ANAPC4: variants seen among roughly 807,000 people sequenced by gnomAD.
ANAPC4 encodes anaphase promoting complex subunit 4, also known as anaphase-promoting complex subunit 4.
A neutral mutation model predicts 119.8 loss-of-function variants in ANAPC4; 63 were observed. That is an observed-to-expected ratio of 0.53 (90% CI 0.43 to 0.65). ANAPC4 has a LOEUF of 0.65. Among genes scored for constraint, ANAPC4 ranks in the 30% least tolerant of loss-of-function variants. The pLI is 0.00. For missense variants in ANAPC4, 716 were observed against 945.1 expected (o/e 0.76, Z 3.18); for synonymous variants, 283 against 318.6 (o/e 0.89, Z 1.19).
chr4:25,408,010 G>A (rs774045868), intron 20 of ANAPC4, among the ~76,000 whole-genome samples: 4 of 152,166 alleles, frequency 2.6e-5, no homozygotes, highest in Non-Finnish European at 5.9e-5. Context: ...GAGTGGTAAC[G>A]TTTCATATTG....
intron 11 of ANAPC4, 38 bp from the exon 12 acceptor site, chr4:25,394,270 GAA>G (rs764626681): frequency 3.3e-5 from 49 of 1,498,100 alleles, no homozygotes; most frequent in Non-Finnish European, 4.3e-5. Context: ...TATAATTTAA[GAA>G]ATACATATAT....
In ANAPC4 at chr4:25,417,643, C is replaced by T. The variant is rs778646866; in HGVS notation, c.2103C>T (p.Pro701=). Residue 701 remains proline (P), a synonymous_variant, in exon 28 of 29, where the codon CCC becomes CCT. Transcript: ENST00000315368. ...TAGATGAACAGTGTAGTGCTATTCC[C>T]ACCCGTACCATGCATTTTGAGAAGC... The part of the protein sequence containing the change: ...TRLDEQCSAI[P]TRTMHFEKHW... The T allele has an allele frequency of 2.5e-6, 4 of 1,613,198 alleles. No homozygotes were observed. The South Asian group carries it at 4.4e-5, about 18-fold the overall frequency.
At position 25,387,354 on chromosome 4, in the gene ANAPC4, A is replaced by G. The variant is rs1379783205; in HGVS notation, c.369-1146A>G. 2.0e-5 allele frequency among the ~76,000 whole-genome samples: 3 copies of G among 152,232 alleles called. No homozygotes were observed. In the East Asian group the frequency reaches 5.8e-4, roughly 29 times the overall value. ...AAGGTAATATCAAATGAATTTGTAA[A>G]TCCTGAATATTAATTGCCAGCTTTC... is the stretch of plus-strand genomic sequence containing the variant. On this transcript the variant is annotated intron_variant, in intron 4 of 28. Transcript: ENST00000315368.
intron 16 of ANAPC4, among the ~76,000 whole-genome samples, chr4:25,399,291 AT>A (rs1475809901): frequency 2.6e-5 from 4 of 152,172 alleles, no homozygotes; most frequent in African/African-American, 7.2e-5. Context: ...TTTAGCAGTT[AT>A]CCCAATATGT....
At chr4:25,377,600 G>T in intron 2 of ANAPC4, 44 bp downstream of exon 2, 1 of 1,534,718 alleles carries the variant, frequency 6.5e-7, no homozygotes, top group Non-Finnish European at 8.7e-7. Flanking sequence ...GTCTGCTCCC[G>T]GGGGGCCCAA....
At chr4:25,409,960 A>T (rs1198162339) in intron 21 of ANAPC4, among the ~76,000 whole-genome samples, 169 bp downstream of exon 21, 2 of 152,262 alleles carry the variant, frequency 1.3e-5, no homozygotes, top group African/African-American at 4.8e-5. Context: ...AGTGTATGAC[A>T]TCACCATGAT....
chr4:25,405,633 G>C lies in ANAPC4; in HGVS notation c.1317+14G>C. 1.2e-6 allele frequency: 2 copies of C among 1,612,802 alleles called. No individual in the cohort carries two copies. Among genetic ancestry groups the C allele is most frequent in the East Asian group, 4.5e-5 (2 of 44,842 alleles). On this transcript the variant is annotated intron_variant, in intron 18 of 28. Transcript: ENST00000315368. This position sits in a 1 kb window ranked among gnomAD's most constrained non-coding sequence, Gnocchi z 4.6. Reference sequence around the variant, plus strand: ...GAGCTGAATAAGGTAGTATGTACTAGTGCATTTTCACAGTGTTCACATTGT... The same window carrying C: ...GAGCTGAATAAGGTAGTATGTACTACTGCATTTTCACAGTGTTCACATTGT...
At chr4:25,378,418 T>C (rs1368322570) in intron 2 of ANAPC4, among the ~76,000 whole-genome samples, 2 of 152,214 alleles carry the variant, frequency 1.3e-5, no homozygotes, top group African/African-American at 4.8e-5. Flanking sequence ...CGCCAGGGTA[T>C]TGATGTCTAA....
Position 25,390,826 on chromosome 4 carries a change from G to A in ANAPC4, c.601-85G>A, listed in dbSNP as rs549454999. ...TGGGAATTTGTTTCTGCTTTTTAAA[G>A]CTCTGAGTTTTTGCTTTCTGCATGA... On this transcript the variant is annotated intron_variant, in intron 8 of 28. Coordinates refer to ENST00000315368, the MANE Select transcript of ANAPC4 (RefSeq NM_013367.3). The A allele has an allele frequency of 3.0e-6, 3 of 993,220 alleles. No homozygotes were observed. The African/African-American group carries it at 4.9e-5, about 16-fold the overall frequency. The allele number at this position is 993,220 out of a possible 1,614,324, so 61.5% of individuals were successfully genotyped here. A position where few individuals can be genotyped will look rare whatever the true frequency, so the allele number is the denominator to read the frequency against.
Position 25,393,882 on chromosome 4 carries a change from G to A in ANAPC4, c.867G>A (p.Lys289=). Residue 289 remains lysine, a synonymous_variant, in exon 11 of 29, where the codon AAG becomes AAA. Coordinates refer to ENST00000315368, the MANE Select transcript of ANAPC4 (RefSeq NM_013367.3). Reference sequence around the variant, plus strand: ...TGCAGATGGATTCTCGTCTCACCAAGTTTGTGCAGGTAAAGCAGCTGAAGT... The same window carrying A: ...TGCAGATGGATTCTCGTCTCACCAAATTTGTGCAGGTAAAGCAGCTGAAGT... ...ILMQMDSRLT[K]FVQEKNTTTS... is the part of the protein sequence containing the mutation. 6.2e-7 allele frequency: 1 copy of A among 1,609,178 alleles called. No homozygotes were observed. Among genetic ancestry groups the A allele is most frequent in the Non-Finnish European group, 8.5e-7 (1 of 1,177,584 alleles).
Position 25,418,314 on chromosome 4 carries a change from G to T in ANAPC4, c.2359G>T (p.Gly787Cys). Residue 787 changes from glycine to cysteine, a missense_variant, in exon 29 of 29, where the codon GGT becomes TGT. Coordinates refer to ENST00000315368, the MANE Select transcript of ANAPC4 (RefSeq NM_013367.3). ...GTCAGAGGCAGAGAACCAACAAGCT[G>T]GTGCTGCCGCTTTAGCTCCAGAGAT... ...SESEAENQQA[G>C]AAALAPEIVI... The T allele has an allele frequency of 6.2e-7, 1 of 1,613,990 alleles. No individual in the cohort carries two copies. Among genetic ancestry groups the T allele is most frequent in the South Asian group, 1.1e-5 (1 of 91,078 alleles).
rs1469210592 is a variant in ANAPC4, at chr4:25,378,582, G to A, written c.129+1026G>A. On this transcript the variant is annotated intron_variant, in intron 2 of 28. Transcript: ENST00000315368. ...CACATCCGTGCAATCAGATGGGTAG[G>A]CGTGATAGAGGGCACTGTTACATCC... Among the ~76,000 whole-genome samples, 4 of 152,344 alleles carry A rather than the reference G, an allele frequency of 2.6e-5. No individual in the cohort carries two copies. In the East Asian group the frequency reaches 7.7e-4, roughly 29 times the overall value.
intron 16 of ANAPC4, among the ~76,000 whole-genome samples, chr4:25,402,071 A>G (rs1723009145): frequency 6.6e-6 from 1 of 152,198 alleles, no homozygotes; most frequent in African/African-American, 2.4e-5. Context: ...GGCCTGGGGT[A>G]GGGTTGAACA....
At chr4:25,377,849 T>A (rs192604951) in intron 2 of ANAPC4, among the ~76,000 whole-genome samples, 24 of 152,388 alleles carry the variant, frequency 1.6e-4, no homozygotes, top group Admixed American at 1.1e-3. Flanking sequence ...TCTTCTTCAC[T>A]CATTGGTTTA....
chr4:25,392,999 AAC>A (rs1722437754), intron 10 of ANAPC4, among the ~76,000 whole-genome samples: 1 of 152,222 alleles, frequency 6.6e-6, no homozygotes, highest in South Asian at 2.1e-4. Flanking sequence ...CCCTGGAGTC[AAC>A]AGTGTTATTT....
chr4:25,411,744 C>T (rs1440196322), intron 21 of ANAPC4, among the ~76,000 whole-genome samples: 1 of 152,190 alleles, frequency 6.6e-6, no homozygotes, highest in Non-Finnish European at 1.5e-5. Flanking sequence ...TACATAAGCA[C>T]TTAGACTAAT....
chr4:25,395,616 A>C (rs149310642), intron 14 of ANAPC4, among the ~76,000 whole-genome samples: 1 of 152,022 alleles, frequency 6.6e-6, no homozygotes, highest in East Asian at 1.9e-4. Flanking sequence ...CGCCTGGCTA[A>C]TTTTTGTATT....
intron 16 of ANAPC4, among the ~76,000 whole-genome samples, chr4:25,401,264 A>G (rs942935861): frequency 6.6e-6 from 1 of 151,966 alleles, no homozygotes; most frequent in Non-Finnish European, 1.5e-5. Context: ...TCAGGAGGCA[A>G]TTTAAAGTTG....
chr4:25,417,803 C>T, intron 28 of ANAPC4, 64 bp downstream of exon 28: 3 of 1,545,442 alleles, frequency 1.9e-6, no homozygotes, highest in Non-Finnish European at 1.7e-6. Flanking sequence ...TTCTTTGGAA[C>T]CTTCATCAAA....
Sources: gnomAD v4.1 joint callset for allele counts (sites outside exome capture counted in the v4.1 genomes callset) on GRCh38, gnomAD v4.1.1 for gene constraint, Gnocchi (gnomAD v3.1) non-coding constraint, MANE v1.5 for transcripts, NCBI Gene and HGNC (gene_info 2026-07-23, HGNC 2026-07-21) for gene names.